Variants in NSMAF observed in about 807,000 individuals in gnomAD.
NSMAF encodes the protein protein FAN.
In NSMAF, 90 loss-of-function variants were observed where a neutral mutation model predicts 134.9. The observed-to-expected ratio is 0.67, with a 90% CI of 0.56 to 0.79. NSMAF has a LOEUF of 0.79. Ranked by LOEUF, NSMAF falls within the 30% of genes least tolerant of loss-of-function variation. The probability of loss-of-function intolerance (pLI) is 0.00; values close to 1 mark genes in which losing one functional copy is unlikely to be tolerated. For synonymous variants in NSMAF, 358 were observed against 389.6 expected, an observed-to-expected ratio of 0.92 and a Z score of 0.96; for missense variants, 1,010 against 1,119.0, an observed-to-expected ratio of 0.90 and a Z score of 1.39.
chr8:58,613,637 CTG>C (rs1317233845), intron 9 of NSMAF, among the ~76,000 whole-genome samples: 4 of 151,922 alleles, frequency 2.6e-5, no homozygotes, highest in Non-Finnish European at 5.9e-5. Flanking sequence ...GTCAATGACA[CTG>C]TATATAATAG....
rs774837745 is a variant in NSMAF at position 58,600,026 on chromosome 8, A to G, written c.1281-5T>C. The G allele has an allele frequency of 1.9e-6, 3 of 1,611,066 alleles. No homozygotes were observed. Among genetic ancestry groups the G allele is most frequent in the East Asian group, 4.5e-5 (2 of 44,886 alleles). ...TTTTTCCAAGTTTCTGCAATACTAC[A>G]TATGAAAAAAAAATTCACCTATTTT... On this transcript the variant is annotated splice_region_variant and splice_polypyrimidine_tract_variant and intron_variant, in intron 16 of 30. Transcript: ENST00000038176.
rs777936003 is a variant in NSMAF at position 58,597,382 on chromosome 8, T to C, written c.1792+5A>G. On this transcript the variant is annotated splice_donor_5th_base_variant and intron_variant, in intron 21 of 30. Transcript: ENST00000038176. ...GCTCACGTTTATTCTCTTTACAAAATTTACCTGGGGAATCTGCCATAGAAG... is the reference window on the plus strand; with the variant it reads ...GCTCACGTTTATTCTCTTTACAAAACTTACCTGGGGAATCTGCCATAGAAG... 6.2e-7 allele frequency: 1 copy of C among 1,612,138 alleles called. No homozygotes were observed. Among genetic ancestry groups the C allele is most frequent in the Non-Finnish European group, 8.5e-7 (1 of 1,179,098 alleles).
At chr8:58,627,958 G>A (rs1585751520) in intron 6 of NSMAF, among the ~76,000 whole-genome samples, 1 of 151,968 alleles carries the variant, frequency 6.6e-6, no homozygotes, top group South Asian at 2.1e-4. Context: ...ACAAATCTGG[G>A]GGCATCACAT....
chr8:58,623,124 G>C, intron 9 of NSMAF, 96 bp downstream of exon 9: 1 of 939,464 alleles, frequency 1.1e-6, no homozygotes, highest in South Asian at 1.4e-5. Flanking sequence ...TTTTGGGTGA[G>C]ACCAATGATG....
intron 19 of NSMAF, 47 bp from the exon 20 acceptor site, chr8:58,597,949 G>A: frequency 2.3e-6 from 3 of 1,320,822 alleles, no homozygotes; most frequent in East Asian, 4.6e-5. Context: ...CTATTTCAAT[G>A]TAATATACAC....
chr8:58,590,724 G>A lies in NSMAF; in HGVS notation c.2019+143C>T, dbSNP rs191920266. On this transcript the variant is annotated intron_variant, in intron 24 of 30. Transcript: ENST00000038176. ...AAAAAATTTTACATTGAAATTAGAAGTAATCTAACTAAGGTATCTGGTAGA... is the reference window on the plus strand; with the variant it reads ...AAAAAATTTTACATTGAAATTAGAAATAATCTAACTAAGGTATCTGGTAGA... The A allele has an allele frequency of 4.1e-4, 342 of 835,802 alleles. 1 individual carries two copies. The highest frequency in any genetic ancestry group is 5.6e-4 in the Non-Finnish European group (324 of 583,356). The allele number at this position is 835,802 out of a possible 1,614,324, so 51.8% of individuals were successfully genotyped here.
In NSMAF at chr8:58,601,552, A is replaced by G; in HGVS notation, c.1126-17T>C. ...GTAGCGTGTCTAGAATACAGAAAAA[A>G]AAAAAAAATAGAGCTAAGTGTTGGC... On this transcript the variant is annotated splice_polypyrimidine_tract_variant and intron_variant, in intron 14 of 30. Transcript: ENST00000038176. 6.3e-7 allele frequency: 1 copy of G among 1,576,702 alleles called. No homozygotes were observed. The highest frequency in any genetic ancestry group is 8.5e-7 in the Non-Finnish European group (1 of 1,170,044).
chr8:58,637,241 T>TA, intron 2 of NSMAF: 1 of 445,278 alleles, frequency 2.2e-6, no homozygotes, highest in South Asian at 1.6e-5. Flanking sequence ...TACTTGCCAG[T>TA]ATGACAGGAT....
intron 1 of NSMAF, chr8:58,659,091 C>G: frequency 2.2e-6 from 2 of 914,578 alleles, no homozygotes; most frequent in Non-Finnish European, 3.0e-6. Context: ...CGCCGGCCTG[C>G]TCGGTGCCGC....
chr8:58,599,653 T>A (rs1365956379), intron 18 of NSMAF, 97 bp downstream of exon 18: 2 of 1,342,078 alleles, frequency 1.5e-6, no homozygotes, highest in African/African-American at 1.5e-5. Context: ...GAGAATTATA[T>A]TGTGATTTTT....
intron 1 of NSMAF, among the ~76,000 whole-genome samples, chr8:58,647,239 C>G (rs1807477709): frequency 6.6e-6 from 1 of 152,216 alleles, no homozygotes; most frequent in African/African-American, 2.4e-5. Context: ...CACCTCTACT[C>G]TCAATACCCC....
chr8:58,652,017 C>T (rs1807596002), intron 1 of NSMAF, among the ~76,000 whole-genome samples: 1 of 152,162 alleles, frequency 6.6e-6, no homozygotes, highest in Non-Finnish European at 1.5e-5. Context: ...AGCCCACAAC[C>T]TAGTATTTAA....
rs148646550 is a variant in NSMAF, at chr8:58,645,367, T to A, written c.60-2294A>T. On this transcript the variant is annotated intron_variant, in intron 1 of 30. Coordinates refer to ENST00000038176, the MANE Select transcript of NSMAF (RefSeq NM_003580.4). ...ATGACTATGCAAAACATGGAATAGA[T>A]GAACACTAGTTTGCTGAGAATTATG... is the stretch of plus-strand genomic sequence containing the variant. Among the ~76,000 whole-genome samples the A allele has an allele frequency of 8.7e-3, 1,327 of 152,278 alleles. 17 individuals carry two copies. The highest frequency in any genetic ancestry group is 0.013 in the Non-Finnish European group (909 of 68,028).
At chr8:58,585,534 G>C (rs1050705602) in intron 30 of NSMAF, 118 bp downstream of exon 30, 51 of 699,408 alleles carry the variant, frequency 7.3e-5, no homozygotes, top group Non-Finnish European at 1.2e-5. Flanking sequence ...ACATGTTTAC[G>C]ACATGGAAAA....
intron 20 of NSMAF, 90 bp from the exon 21 acceptor site, chr8:58,597,640 G>A: frequency 6.5e-6 from 8 of 1,236,036 alleles, no homozygotes; most frequent in Non-Finnish European, 9.3e-6. Context: ...CAATAGGAGG[G>A]ACTAACCCTC....
chr8:58,601,114 T>A, intron 16 of NSMAF, 171 bp downstream of exon 16: 1 of 554,162 alleles, frequency 1.8e-6, no homozygotes, highest in South Asian at 2.7e-5. Flanking sequence ...TGTTCTCACA[T>A]TTACACACAC....
At chr8:58,623,186 C>G in intron 9 of NSMAF, 34 bp downstream of exon 9, 1 of 1,522,590 alleles carries the variant, frequency 6.6e-7, no homozygotes, top group Non-Finnish European at 9.1e-7. Context: ...ATGTCCACCA[C>G]TTTTCTAATT....
chr8:58,625,326 C>G (rs1403375286), intron 6 of NSMAF, among the ~76,000 whole-genome samples: 1 of 151,884 alleles, frequency 6.6e-6, no homozygotes, highest in Non-Finnish European at 1.5e-5. Flanking sequence ...ATTTCTCTCT[C>G]TGTATATATA....
intron 13 of NSMAF, 44 bp from the exon 14 acceptor site, chr8:58,602,181 C>T (rs749331462): frequency 2.1e-6 from 3 of 1,425,272 alleles, no homozygotes; most frequent in East Asian, 4.6e-5. Context: ...ATACTTAGTA[C>T]CATTAACCTC....
Sources: allele counts gnomAD v4.1 joint callset (sites outside exome capture counted in the v4.1 genomes callset), GRCh38; gene constraint gnomAD v4.1.1; transcripts MANE v1.5; gene names NCBI Gene and HGNC (gene_info 2026-07-23, HGNC 2026-07-21).